The following RASSF3 variants were observed in gnomAD, a reference collection of about 807,000 sequenced individuals.
RASSF3 encodes Ras association domain family member 3, also known as ras association domain-containing protein 3.
RASSF3 carries 19 observed loss-of-function variants against 19.9 expected under a neutral mutation model. That is an observed-to-expected ratio of 0.96 (90% CI 0.67 to 1.40). The LOEUF (loss-of-function observed/expected upper bound fraction) is 1.40, where lower values mean the gene tolerates loss of function less well. RASSF3 is among the 40% of genes most tolerant of loss of function. RASSF3 has a pLI of 0.00. For missense variants in RASSF3, 306 were observed against 289.8 expected (o/e 1.06, Z -0.41); for synonymous variants, 110 against 104.2 (o/e 1.06, Z -0.34).
intron 2 of RASSF3, among the ~76,000 whole-genome samples, chr12:64,579,742 A>G (rs936935606): frequency 2.6e-5 from 4 of 151,506 alleles, no homozygotes; most frequent in African/African-American, 9.7e-5. Context: ...TTTTCCAGAA[A>G]CTATAAGAGA....
intron 2 of RASSF3, among the ~76,000 whole-genome samples, chr12:64,596,320 G>A (rs1308236776): frequency 6.6e-6 from 1 of 151,998 alleles, no homozygotes; most frequent in African/African-American, 2.4e-5. Context: ...TTGATTTTTT[G>A]GCAAACCTTC....
intron 2 of RASSF3, among the ~76,000 whole-genome samples, chr12:64,602,048 C>T (rs974874054): frequency 1.4e-5 from 2 of 145,804 alleles, no homozygotes; most frequent in Non-Finnish European, 3.0e-5. Context: ...ACCTGGGAGT[C>T]AGAGCTTGCA....
At chr12:64,620,734 GATAGTTGTA>G (rs1385541547) in intron 1 of RASSF3, among the ~76,000 whole-genome samples, 3 of 152,026 alleles carry the variant, frequency 2.0e-5, no homozygotes, top group African/African-American at 7.2e-5. Flanking sequence ...AATTTTATAG[GATAGTTGTA>G]CAAAAATGGA....
chr12:64,646,534 G>A (rs1364340311), intron 1 of RASSF3, among the ~76,000 whole-genome samples: 1 of 152,202 alleles, frequency 6.6e-6, no homozygotes, highest in Non-Finnish European at 1.5e-5. Context: ...TTATTCAGAT[G>A]TAGTATTTAT....
chr12:64,544,130 C>G (rs967842371), downstream of RASSF3, among the ~76,000 whole-genome samples: 1 of 152,172 alleles, frequency 6.6e-6, no homozygotes, highest in Admixed American at 6.5e-5. Flanking sequence ...AATCCTGGTA[C>G]TGCTCACTCT....
chr12:64,579,219 A>G (rs1009773251), intron 2 of RASSF3, among the ~76,000 whole-genome samples: 11 of 152,300 alleles, frequency 7.2e-5, no homozygotes, highest in African/African-American at 2.4e-4. Flanking sequence ...TTTCAGCTTC[A>G]AAAGAGTTTC....
chr12:64,609,764 C>T (rs1489263087), upstream of RASSF3, among the ~76,000 whole-genome samples: 1 of 152,078 alleles, frequency 6.6e-6, no homozygotes, highest in Admixed American at 6.6e-5. Context: ...AATTGATAAG[C>T]ACTCGATTGT....
chr12:64,676,961 T>C (rs2136212434), intron 1 of RASSF3, among the ~76,000 whole-genome samples: 1 of 151,950 alleles, frequency 6.6e-6, no homozygotes, highest in Middle Eastern at 3.4e-3. Context: ...AGAGACGAGG[T>C]CTCCCTGTGT....
intron 1 of RASSF3, among the ~76,000 whole-genome samples, chr12:64,621,206 G>A (rs1338153328): frequency 6.6e-6 from 1 of 152,202 alleles, no homozygotes. Flanking sequence ...AAAGTGCTGA[G>A]ATTACAGACG....
At chr12:64,623,808 A>AATTTTT in intron 1 of RASSF3, among the ~76,000 whole-genome samples, 1 of 151,684 alleles carries the variant, frequency 6.6e-6, no homozygotes, top group South Asian at 2.1e-4. Context: ...ATGCCTGGCT[A>AATTTTT]ATTTTTATTT....
intron 2 of RASSF3, among the ~76,000 whole-genome samples, chr12:64,574,233 C>A (rs1345091471): frequency 2.0e-5 from 3 of 151,132 alleles, no homozygotes; most frequent in African/African-American, 7.3e-5. Flanking sequence ...ATGGCTTGAA[C>A]CTGGGAGACG....
intron 2 of RASSF3, among the ~76,000 whole-genome samples, chr12:64,567,731 C>A (rs2136128692): frequency 6.6e-6 from 1 of 152,352 alleles, no homozygotes; most frequent in South Asian, 2.1e-4. Flanking sequence ...TGATAAGAGT[C>A]TCACAAGTCG....
intron 1 of RASSF3, among the ~76,000 whole-genome samples, chr12:64,534,655 T>C (rs1868783057): frequency 6.6e-6 from 1 of 152,098 alleles, no homozygotes; most frequent in Non-Finnish European, 1.5e-5. Context: ...AGCAGGTATA[T>C]GTGTGTGTAT....
chr12:64,624,803 C>T (rs1051531031), intron 1 of RASSF3, among the ~76,000 whole-genome samples: 8 of 151,760 alleles, frequency 5.3e-5, no homozygotes, highest in Non-Finnish European at 7.4e-5. Flanking sequence ...GAACTACAGG[C>T]GCCTACCACC....
intron 1 of RASSF3, among the ~76,000 whole-genome samples, chr12:64,621,217 TG>T (rs1278920907): frequency 6.6e-6 from 1 of 152,256 alleles, no homozygotes; most frequent in Non-Finnish European, 1.5e-5. Context: ...ATTACAGACG[TG>T]AGGCACTGCG....
intron 1 of RASSF3, among the ~76,000 whole-genome samples, chr12:64,612,642 A>G (rs1423927490): frequency 6.6e-6 from 1 of 151,740 alleles, no homozygotes; most frequent in Non-Finnish European, 1.5e-5. Context: ...CATCTGGCTC[A>G]TTTTTGTATT....
intron 2 of RASSF3, among the ~76,000 whole-genome samples, chr12:64,576,500 A>G (rs1164124182): frequency 6.6e-6 from 1 of 152,206 alleles, no homozygotes; most frequent in Admixed American, 6.5e-5. Context: ...ATTAAACAGG[A>G]CACAAAAACC....
intron 2 of RASSF3, among the ~76,000 whole-genome samples, chr12:64,566,071 G>T (rs1869426042): frequency 6.6e-6 from 1 of 151,784 alleles, no homozygotes. Flanking sequence ...TGTGGTGGCA[G>T]GCACCTATAG....
chr12:64,627,947 G>C (rs551340663), intron 1 of RASSF3, among the ~76,000 whole-genome samples: 43 of 152,310 alleles, frequency 2.8e-4, no homozygotes, highest in African/African-American at 9.4e-4. Flanking sequence ...ACAGCAATAG[G>C]ATTTGAGAGG....
Sources: allele counts gnomAD v4.1 joint callset (sites outside exome capture counted in the v4.1 genomes callset), GRCh38; gene constraint gnomAD v4.1.1; transcripts MANE v1.5; gene names NCBI Gene and HGNC (gene_info 2026-07-23, HGNC 2026-07-21).